Variants in NRG3 observed in about 807,000 individuals in gnomAD.
The protein encoded by NRG3 is neuregulin 3.
A neutral mutation model predicts 66.9 loss-of-function variants in NRG3; 31 were observed. That is an observed-to-expected ratio of 0.46 (90% CI 0.35 to 0.63). NRG3 has a LOEUF of 0.63. NRG3 is among the 20% of genes least tolerant of loss of function. The pLI is 0.00. For missense variants in NRG3, 910 were observed against 878.9 expected (o/e 1.04, Z -0.45); for synonymous variants, 393 against 359.4 (o/e 1.09, Z -1.06).
intron 1 of NRG3, among the ~76,000 whole-genome samples, chr10:81,886,835 A>T (rs1354745677): frequency 6.6e-6 from 1 of 152,156 alleles, no homozygotes; most frequent in East Asian, 1.9e-4. Flanking sequence ...ATTATATAAG[A>T]TATCCATGAT....
At chr10:82,769,834 A>T (rs1257293697) in intron 3 of NRG3, among the ~76,000 whole-genome samples, 6 of 152,146 alleles carry the variant, frequency 3.9e-5, no homozygotes, top group Non-Finnish European at 8.8e-5. Flanking sequence ...GTACACGCTC[A>T]GACATGTATA....
At position 82,229,810 on chromosome 10, in the gene NRG3, A is replaced by G. The variant is rs551460650; in HGVS notation, c.824-128929A>G. 7.2e-5 allele frequency among the ~76,000 whole-genome samples: 11 copies of G among 152,332 alleles called. No homozygotes were observed. In the South Asian group the frequency reaches 2.3e-3, roughly 32 times the overall value. On this transcript the variant is annotated intron_variant, in intron 1 of 8. Coordinates refer to ENST00000372141, the MANE Select transcript of NRG3 (RefSeq NM_001010848.4). ...TTTTAGTTGAGGACACAGGCAAACC[A>G]TATTAAGTATAGGAAAGAATAGTAG...
At chr10:82,821,453 A>C (rs566471700) in intron 3 of NRG3, among the ~76,000 whole-genome samples, 6 of 152,114 alleles carry the variant, frequency 3.9e-5, no homozygotes, top group Non-Finnish European at 7.4e-5. Flanking sequence ...CTGGGAAGGC[A>C]AAGGACAGTT....
chr10:82,850,281 C>T (rs2063500406), intron 3 of NRG3, among the ~76,000 whole-genome samples: 1 of 152,130 alleles, frequency 6.6e-6, no homozygotes, highest in Admixed American at 6.5e-5. Flanking sequence ...TCATCCAGAG[C>T]GATGAGGTTA....
intron 3 of NRG3, among the ~76,000 whole-genome samples, chr10:82,865,161 G>A (rs994409581): frequency 4.6e-5 from 7 of 152,102 alleles, no homozygotes; most frequent in African/African-American, 1.7e-4. Flanking sequence ...CATGATGTAT[G>A]CAATATTAGT....
At chr10:82,975,724 C>T (rs1852189471) in intron 7 of NRG3, among the ~76,000 whole-genome samples, 1 of 152,204 alleles carries the variant, frequency 6.6e-6, no homozygotes, top group African/African-American at 2.4e-5. Context: ...ATCCTGCAAA[C>T]TGCACCATAA....
intron 2 of NRG3, among the ~76,000 whole-genome samples, chr10:82,390,068 G>C (rs2086248941): frequency 6.6e-6 from 1 of 152,116 alleles, no homozygotes; most frequent in Admixed American, 6.6e-5. Flanking sequence ...GTAGTGAATT[G>C]AACATACCTA....
intron 2 of NRG3, among the ~76,000 whole-genome samples, chr10:82,663,044 T>C (rs886326740): frequency 8.5e-5 from 13 of 152,236 alleles, no homozygotes; most frequent in Non-Finnish European, 1.9e-4. Flanking sequence ...GATGTACTCA[T>C]TGCCATTATA....
chr10:82,112,706 C>T (rs570753557), intron 1 of NRG3, among the ~76,000 whole-genome samples: 23 of 152,100 alleles, frequency 1.5e-4, no homozygotes, highest in Admixed American at 3.9e-4. Flanking sequence ...CTGAAGGTCA[C>T]CCTATGGTTT....
intron 1 of NRG3, among the ~76,000 whole-genome samples, chr10:82,350,901 T>G (rs1157140021): frequency 3.3e-5 from 5 of 151,978 alleles, no homozygotes; most frequent in Non-Finnish European, 5.9e-5. Flanking sequence ...CTCTTCTTTT[T>G]TTTTTTTTTA....
At chr10:82,476,244 G>T (rs1841772482) in intron 2 of NRG3, among the ~76,000 whole-genome samples, 2 of 152,176 alleles carry the variant, frequency 1.3e-5, no homozygotes, top group South Asian at 4.1e-4. Flanking sequence ...TGACATCCTT[G>T]TGCACTGCTG....
intron 1 of NRG3, among the ~76,000 whole-genome samples, chr10:82,104,383 A>G (rs1355440626): frequency 3.3e-5 from 5 of 152,226 alleles, no homozygotes; most frequent in East Asian, 1.9e-4. Context: ...AGGAGAAAAT[A>G]TCTACACATA....
At chr10:82,777,244 C>T (rs1381951887) in intron 3 of NRG3, among the ~76,000 whole-genome samples, 1 of 151,894 alleles carries the variant, frequency 6.6e-6, no homozygotes. Flanking sequence ...TTTGTGGCAG[C>T]GTAGTGGCAG....
chr10:82,155,191 C>T (rs1294504193), intron 1 of NRG3, among the ~76,000 whole-genome samples: 6 of 151,630 alleles, frequency 4.0e-5, no homozygotes. Context: ...TAGCTAGTTT[C>T]CCAATCAGAG....
At chr10:82,467,704 G>A (rs1840824082) in intron 2 of NRG3, among the ~76,000 whole-genome samples, 1 of 152,168 alleles carries the variant, frequency 6.6e-6, no homozygotes, top group South Asian at 2.1e-4. Context: ...TGACTGATGA[G>A]CTAAGGCATT....
At chr10:82,277,097 T>TTCATG (rs1271562032) in intron 1 of NRG3, among the ~76,000 whole-genome samples, 1 of 152,098 alleles carries the variant, frequency 6.6e-6, no homozygotes, top group Non-Finnish European at 1.5e-5. Flanking sequence ...TTTACTTTCT[T>TTCATG]TCATGTCAGG....
At chr10:82,825,171 T>C (rs1363644955) in intron 3 of NRG3, among the ~76,000 whole-genome samples, 1 of 152,230 alleles carries the variant, frequency 6.6e-6, no homozygotes, top group African/African-American at 2.4e-5. Context: ...GTCATTTTGA[T>C]GAAGTCAGGT....
chr10:82,391,368 A>T (rs1214597353), intron 2 of NRG3, among the ~76,000 whole-genome samples: 2 of 152,176 alleles, frequency 1.3e-5, no homozygotes, highest in Non-Finnish European at 2.9e-5. Context: ...GAACCTGGAA[A>T]AACCTTTGAA....
At chr10:82,663,920 C>T (rs2052560652) in intron 2 of NRG3, among the ~76,000 whole-genome samples, 1 of 152,142 alleles carries the variant, frequency 6.6e-6, no homozygotes. Flanking sequence ...AGCCAACTGA[C>T]CTGTTAGGTC....
Sources: gnomAD v4.1 joint callset for allele counts (sites outside exome capture counted in the v4.1 genomes callset) on GRCh38, gnomAD v4.1.1 for gene constraint, MANE v1.5 for transcripts, NCBI Gene and HGNC (gene_info 2026-07-23, HGNC 2026-07-21) for gene names.